Variants in CD8B observed in about 807,000 individuals in gnomAD.
CD8B encodes the protein T-cell surface glycoprotein CD8 beta chain.
CD8B carries 6 observed loss-of-function variants against 24.2 expected under a neutral mutation model. That is an observed-to-expected ratio of 0.25 (90% CI 0.14 to 0.49). The LOEUF is 0.49. CD8B is among the 20% of genes least tolerant of loss of function. The pLI, the probability that CD8B is intolerant of heterozygous loss-of-function variation, is 0.98. For synonymous variants in CD8B, 84 were observed against 108.3 expected, an observed-to-expected ratio of 0.78 and a Z score of 1.39; for missense variants, 196 against 271.3, an observed-to-expected ratio of 0.72 and a Z score of 1.95.
At chr2:86,843,798 G>A (rs1410213667) in intron 5 of CD8B, 4 of 409,434 alleles carry the variant, frequency 9.8e-6, no homozygotes, top group African/African-American at 8.6e-5. Flanking sequence ...GGCACTGTTA[G>A]CTCATTTAAC....
chr2:86,826,698 C>T (rs1277047851), intron 5 of CD8B, among the ~76,000 whole-genome samples: 9 of 152,090 alleles, frequency 5.9e-5, no homozygotes, highest in South Asian at 2.1e-4. Context: ...TTCCTGTAGA[C>T]GACAGTGTCG....
Position 86,842,090 on chromosome 2 carries a change from G to A in CD8B, c.*217C>T, listed in dbSNP as rs1287668822. 6 of 1,349,752 alleles carry A rather than the reference G, an allele frequency of 4.4e-6. No individual in the cohort carries two copies. Among genetic ancestry groups the A allele is most frequent in the Non-Finnish European group, 2.9e-6 (3 of 1,046,806 alleles). The allele number at this position is 1,349,752 out of a possible 1,614,324, so 83.6% of individuals were successfully genotyped here. A position where few individuals can be genotyped will look rare whatever the true frequency, so the allele number is the denominator to read the frequency against. On this transcript the variant is annotated 3_prime_UTR_variant, in exon 6 of 6. Coordinates refer to ENST00000390655, the MANE Select transcript of CD8B (RefSeq NM_004931.5). ...GCACACTCTGTGAAGTGCCCTGGGG[G>A]CAATGAAACCTTCTCCCTAGTATTC...
downstream of CD8B, among the ~76,000 whole-genome samples, chr2:86,836,187 C>T (rs1675170517): frequency 6.6e-6 from 1 of 152,076 alleles, no homozygotes; most frequent in Non-Finnish European, 1.5e-5. Flanking sequence ...GAGGGCTGTG[C>T]TCCCAGCTTG....
intron 5 of CD8B, among the ~76,000 whole-genome samples, chr2:86,825,841 T>C (rs111393066): frequency 0.098 from 14,849 of 152,242 alleles, 767 homozygotes; most frequent in Middle Eastern, 0.13. Context: ...CACTCCACTC[T>C]TTATTGTCCT....
At chr2:86,844,087 C>T (rs892696730) in intron 5 of CD8B, among the ~76,000 whole-genome samples, 3 of 152,192 alleles carry the variant, frequency 2.0e-5, no homozygotes, top group Admixed American at 6.5e-5. Flanking sequence ...GAATGCTGCC[C>T]TGGCCCAGGA....
At chr2:86,844,816 G>A in intron 5 of CD8B, 106 bp downstream of exon 5, 1 of 1,547,054 alleles carries the variant, frequency 6.5e-7, no homozygotes, top group South Asian at 1.2e-5. Flanking sequence ...CCGAGTCTAT[G>A]ATCTTTGGAA....
downstream of CD8B, chr2:86,815,484 A>G (rs1674196974): frequency 4.2e-6 from 3 of 708,424 alleles, no homozygotes; most frequent in Admixed American, 2.0e-5. Context: ...TGAGCCCCCT[A>G]TGACTTGGGG....
chr2:86,844,650 A>ATT (rs758587941), intron 5 of CD8B: 62 of 1,238,712 alleles, frequency 5.0e-5, no homozygotes, highest in East Asian at 6.8e-5. Context: ...ACAGTCTGTA[A>ATT]TTTTTTTTTT....
chr2:86,833,689 C>T (rs762472457), downstream of CD8B, among the ~76,000 whole-genome samples: 3 of 133,638 alleles, frequency 2.2e-5, no homozygotes, highest in Admixed American at 7.7e-5. Flanking sequence ...GGGGACAGAG[C>T]CTTGCTCTGT....
chr2:86,821,238 G>C lies in CD8B; in HGVS notation c.621-5520C>G, dbSNP rs77550997. ...TTTCATCAAACTCATGAAGCCTGCT[G>C]CTCCTTCAATTCTCAAGGCGTTGGA... is the stretch of plus-strand genomic sequence containing the variant. On this transcript the variant is annotated intron_variant, in intron 5 of 5. Transcript: ENST00000331469. Among the ~76,000 whole-genome samples, 83 of 151,114 alleles carry C rather than the reference G, an allele frequency of 5.5e-4. No individual in the cohort carries two copies. The East Asian group carries it at 0.016, about 28-fold the overall frequency.
Position 86,851,401 on chromosome 2 carries a change from G to A in CD8B, c.493+1596C>T, listed in dbSNP as rs1675969900. Among the ~76,000 whole-genome samples the A allele has an allele frequency of 3.9e-5, 6 of 152,120 alleles. No homozygotes were observed. The South Asian group carries it at 1.2e-3, about 32-fold the overall frequency. ...CGGTTCTTGCGCCCTCATCTTAGTG[G>A]CTCTATTGTATTTGCCTTTTATATC... is the stretch of plus-strand genomic sequence containing the variant. On this transcript the variant is annotated intron_variant, in intron 3 of 5. Coordinates refer to ENST00000390655, the MANE Select transcript of CD8B (RefSeq NM_004931.5).
intron 3 of CD8B, among the ~76,000 whole-genome samples, chr2:86,849,145 C>T (rs1196948126): frequency 1.3e-5 from 2 of 152,286 alleles, no homozygotes. Flanking sequence ...ACAGATCCTC[C>T]GAGTTCCAAG....
intron 3 of CD8B, among the ~76,000 whole-genome samples, chr2:86,848,701 A>ATTAATTAATTAATTATTTATTTAT (rs58311096): frequency 3.4e-5 from 2 of 58,888 alleles, no homozygotes; most frequent in African/African-American, 1.7e-4. Flanking sequence ...GTATTTTTAA[A>ATTAATTAATTAATTATTTATTTAT]TTATTTATTT....
chr2:86,843,184 C>T (rs1015071317), intron 5 of CD8B, among the ~76,000 whole-genome samples: 10 of 152,176 alleles, frequency 6.6e-5, no homozygotes, highest in African/African-American at 2.2e-4. Context: ...CCTCTGCCTC[C>T]GGGGTTCAAG....
At chr2:86,844,626 C>T (rs1394852482) in intron 5 of CD8B, 3 of 1,448,004 alleles carry the variant, frequency 2.1e-6, no homozygotes, top group Admixed American at 4.2e-5. Flanking sequence ...AACTCTATCA[C>T]CCCATCTATT....
intron 5 of CD8B, among the ~76,000 whole-genome samples, chr2:86,832,408 G>T (rs769854096): frequency 1.3e-5 from 2 of 151,918 alleles, no homozygotes; most frequent in African/African-American, 4.8e-5. Context: ...AACCCGGGAG[G>T]CAGAGGCTTC....
At position 86,841,740 on chromosome 2, in the gene CD8B, C is replaced by T; in HGVS notation, c.*567G>A. On this transcript the variant is annotated 3_prime_UTR_variant, in exon 6 of 6. Coordinates refer to ENST00000390655, the MANE Select transcript of CD8B (RefSeq NM_004931.5). Reference sequence around the variant, plus strand: ...TGAGAAGATGAAGTGAACTCCTATCCTCAAACCCGCAAGTTCCCGGCCCCA... The same window carrying T: ...TGAGAAGATGAAGTGAACTCCTATCTTCAAACCCGCAAGTTCCCGGCCCCA... 1 of 985,534 alleles carries T rather than the reference C, an allele frequency of 1.0e-6. No individual in the cohort carries two copies. Among genetic ancestry groups the T allele is most frequent in the Non-Finnish European group, 1.2e-6 (1 of 830,052 alleles). The allele number at this position is 985,534 out of a possible 1,614,324, so 61.0% of individuals were successfully genotyped here.
At chr2:86,842,813 A>G (rs1675497817) in intron 5 of CD8B, among the ~76,000 whole-genome samples, 1 of 152,194 alleles carries the variant, frequency 6.6e-6, no homozygotes, top group Non-Finnish European at 1.5e-5. Context: ...GTTACAGGTA[A>G]GTGTAAACCC....
In CD8B at chr2:86,840,647, T is replaced by C. The variant is rs1361862153; in HGVS notation, c.*1660A>G. 6.6e-6 allele frequency among the ~76,000 whole-genome samples: 1 copy of C among 152,248 alleles called. No homozygotes were observed. Among genetic ancestry groups the C allele is most frequent in the Non-Finnish European group, 1.5e-5 (1 of 68,040 alleles). ...ATCTGCTTAGGGTCCACTCCTACCA[T>C]GTGGAGTGCTTTCTCACTTCAATAA... On this transcript the variant is annotated 3_prime_UTR_variant, in exon 6 of 6. Coordinates refer to ENST00000390655, the MANE Select transcript of CD8B (RefSeq NM_004931.5).
Sources: allele counts gnomAD v4.1 joint callset (sites outside exome capture counted in the v4.1 genomes callset), GRCh38; gene constraint gnomAD v4.1.1; transcripts MANE v1.5; gene names NCBI Gene and HGNC (gene_info 2026-07-23, HGNC 2026-07-21).